C17orf78: variants seen among roughly 807,000 people sequenced by gnomAD.
C17orf78 encodes uncharacterized protein C17orf78.
Under a neutral mutation model 31.8 loss-of-function variants are expected in C17orf78, and 27 were observed. The observed-to-expected ratio is 0.85, with a 90% CI of 0.63 to 1.17. The LOEUF (loss-of-function observed/expected upper bound fraction) is 1.17, where lower values mean the gene tolerates loss of function less well. Among genes scored for constraint, C17orf78 ranks in the 50% most tolerant of loss-of-function variants. The probability of loss-of-function intolerance (pLI) is 0.00; values close to 1 mark genes in which losing one functional copy is unlikely to be tolerated. For missense variants in C17orf78, 258 were observed against 315.2 expected, an observed-to-expected ratio of 0.82 and a Z score of 1.37; for synonymous variants, 106 against 115.1, an observed-to-expected ratio of 0.92 and a Z score of 0.51.
intron 6 of C17orf78, among the ~76,000 whole-genome samples, chr17:37,390,330 A>ATATATATATATC (rs1386032855): frequency 0.013 from 535 of 41,548 alleles, 79 homozygotes; most frequent in Middle Eastern, 0.1. Context: ...ATATATATAT[A>ATATATATATATC]TATAAAAGGC....
At chr17:37,385,210 G>A (rs1037671803) in intron 3 of C17orf78, among the ~76,000 whole-genome samples, 12 of 152,132 alleles carry the variant, frequency 7.9e-5, no homozygotes, top group Non-Finnish European at 1.6e-4. Context: ...AGTGGCTCAT[G>A]TCTGTAACCC....
intron 6 of C17orf78, among the ~76,000 whole-genome samples, chr17:37,389,838 C>G (rs527865294): frequency 6.6e-6 from 1 of 151,476 alleles, no homozygotes; most frequent in Non-Finnish European, 1.5e-5. Context: ...GTGGGCAATC[C>G]TTCTTATGTC....
intron 3 of C17orf78, among the ~76,000 whole-genome samples, chr17:37,381,287 G>A (rs1056302965): frequency 1.3e-4 from 20 of 151,940 alleles, no homozygotes; most frequent in African/African-American, 4.6e-4. Flanking sequence ...CCAGGTTCAC[G>A]TGATTCTCCT....
chr17:37,381,771 G>A (rs1007997912), intron 3 of C17orf78, among the ~76,000 whole-genome samples: 1 of 151,622 alleles, frequency 6.6e-6, no homozygotes, highest in Non-Finnish European at 1.5e-5. Context: ...GGGACTACAG[G>A]CACTCGCCAC....
chr17:37,385,778 C>A (rs1262367012), intron 3 of C17orf78, among the ~76,000 whole-genome samples: 2 of 152,102 alleles, frequency 1.3e-5, no homozygotes, highest in Non-Finnish European at 2.9e-5. Context: ...TCACTTTGAT[C>A]CTATGTTAGT....
intron 1 of C17orf78, among the ~76,000 whole-genome samples, chr17:37,377,385 G>T (rs550243264): frequency 2.0e-5 from 3 of 152,040 alleles, no homozygotes; most frequent in African/African-American, 7.2e-5. Flanking sequence ...AGGGCCGGGC[G>T]TGGTGGCTCA....
intron 5 of C17orf78, among the ~76,000 whole-genome samples, 157 bp downstream of exon 5, chr17:37,388,951 G>C (rs1468066890): frequency 1.3e-5 from 2 of 152,182 alleles, no homozygotes; most frequent in Non-Finnish European, 2.9e-5. Context: ...AAAGTTGCTT[G>C]ACTGTTCTAA....
At chr17:37,390,334 A>ATATATATATATATATATATCTAT (rs2050822111) in intron 6 of C17orf78, among the ~76,000 whole-genome samples, 5 of 93,440 alleles carry the variant, frequency 5.4e-5, no homozygotes, top group African/African-American at 9.0e-5. Context: ...ATATATATAT[A>ATATATATATATATATATATCTAT]AAAGGCCAGC....
chr17:37,391,491 A>T (rs1160075412), intron 6 of C17orf78, among the ~76,000 whole-genome samples, 156 bp from the exon 7 acceptor site: 1 of 152,184 alleles, frequency 6.6e-6, no homozygotes, highest in African/African-American at 2.4e-5. Context: ...CACCTTGATC[A>T]TACTTTCTCA....
chr17:37,381,938 A>C (rs376174781), intron 3 of C17orf78, among the ~76,000 whole-genome samples: 1 of 152,054 alleles, frequency 6.6e-6, no homozygotes, highest in Admixed American at 6.6e-5. Context: ...TGTCTCTTCT[A>C]TATTCTACTA....
intron 3 of C17orf78, among the ~76,000 whole-genome samples, chr17:37,384,684 A>G (rs1747477924): frequency 6.6e-6 from 1 of 152,318 alleles, no homozygotes; most frequent in South Asian, 2.1e-4. Flanking sequence ...ACTATGATGA[A>G]AATGTTCTTG....
chr17:37,376,623 T>C (rs917080484), intron 1 of C17orf78, among the ~76,000 whole-genome samples: 7 of 152,342 alleles, frequency 4.6e-5, no homozygotes, highest in African/African-American at 1.7e-4. Context: ...ATTTAAAATA[T>C]GAGTTTTCAA....
intron 5 of C17orf78, 61 bp downstream of exon 5, chr17:37,388,855 G>C: frequency 1.3e-6 from 2 of 1,580,606 alleles, no homozygotes; most frequent in Non-Finnish European, 1.7e-6. Context: ...TTCTGTTCCA[G>C]AGGCAGCTTG....
intron 6 of C17orf78, among the ~76,000 whole-genome samples, chr17:37,390,576 G>A (rs367689145): frequency 6.7e-6 from 1 of 149,428 alleles, no homozygotes; most frequent in South Asian, 2.1e-4. Context: ...GTGGTGAGCC[G>A]AGATTGCGCC....
Position 37,391,950 on chromosome 17 carries a change from T to A in C17orf78, c.*226T>A, listed in dbSNP as rs2050903003. The A allele has an allele frequency of 3.6e-6, 2 of 550,092 alleles. No individual in the cohort carries two copies. The highest frequency in any genetic ancestry group is 6.5e-6 in the Non-Finnish European group (2 of 309,532). The allele number at this position is 550,092 out of a possible 1,614,324, so 34.1% of individuals were successfully genotyped here. On this transcript the variant is annotated 3_prime_UTR_variant, in exon 7 of 7. Coordinates refer to ENST00000615133, the MANE Select transcript of C17orf78 (RefSeq NM_173625.5). ...CACTTCATACATCCATCTAAATGGATACCTTTCCATCCCCTCAAACGAGAA... is the reference window on the plus strand; with the variant it reads ...CACTTCATACATCCATCTAAATGGAAACCTTTCCATCCCCTCAAACGAGAA...
intron 2 of C17orf78, 136 bp downstream of exon 2, chr17:37,378,101 C>A: frequency 1.3e-6 from 1 of 746,496 alleles, no homozygotes; most frequent in South Asian, 2.0e-5. Context: ...TCCCAGGGGG[C>A]TTTCTGGAAA....
At chr17:37,376,753 G>A (rs924034046) in intron 1 of C17orf78, among the ~76,000 whole-genome samples, 2 of 152,070 alleles carry the variant, frequency 1.3e-5, no homozygotes, top group African/African-American at 4.8e-5. Flanking sequence ...TCAGGAGTTC[G>A]AGACCAGCCT....
chr17:37,389,543 T>C (rs2050697862), intron 6 of C17orf78, among the ~76,000 whole-genome samples, 181 bp downstream of exon 6: 1 of 151,812 alleles, frequency 6.6e-6, no homozygotes, highest in African/African-American at 2.4e-5. Context: ...AATACAAAAA[T>C]TAGCCAGGTG....
chr17:37,391,744 A>G lies in C17orf78; in HGVS notation c.*20A>G, dbSNP rs1245955022. 21 of 1,596,864 alleles carry G rather than the reference A, an allele frequency of 1.3e-5. No homozygotes were observed. The highest frequency in any genetic ancestry group is 1.8e-5 in the Non-Finnish European group (21 of 1,164,724). On this transcript the variant is annotated 3_prime_UTR_variant, in exon 7 of 7. Transcript: ENST00000615133. ...TTCTGAAAAGTTCTGCTCTATCTCA[A>G]AGACTGAATGATACTACACAGTCCT... is the stretch of plus-strand genomic sequence containing the variant.
Sources: gnomAD v4.1 joint callset for allele counts (sites outside exome capture counted in the v4.1 genomes callset) on GRCh38, gnomAD v4.1.1 for gene constraint, MANE v1.5 for transcripts, NCBI Gene and HGNC (gene_info 2026-07-23, HGNC 2026-07-21) for gene names.